PCDHGA7: variants seen among roughly 807,000 people sequenced by gnomAD.
PCDHGA7 encodes protocadherin gamma-A7.
Under a neutral mutation model 58.3 loss-of-function variants are expected in PCDHGA7, and 44 were observed. That is an observed-to-expected ratio of 0.75 (90% CI 0.59 to 0.97). The LOEUF (loss-of-function observed/expected upper bound fraction) is 0.97, where lower values mean the gene tolerates loss of function less well. Ranked by LOEUF, PCDHGA7 falls within the 50% of genes least tolerant of loss-of-function variation. The probability of loss-of-function intolerance (pLI) is 0.00; values close to 1 mark genes in which losing one functional copy is unlikely to be tolerated. For missense variants in PCDHGA7, 1,266 were observed against 1,188.7 expected (o/e 1.06, Z -0.96); for synonymous variants, 516 against 504.2 (o/e 1.02, Z -0.31).
intron 1 of PCDHGA7, chr5:141,394,024 T>C (rs778553318): frequency 6.2e-7 from 1 of 1,613,530 alleles, no homozygotes; most frequent in Non-Finnish European, 8.5e-7. Flanking sequence ...TATTATAGAT[T>C]AGTGACAAGG....
rs1387919696 is a variant in PCDHGA7 at position 141,384,415 on chromosome 5, TCC to T, written c.1517_1518del (p.Ser506TyrfsTer4). On this transcript the variant is annotated frameshift_variant, in exon 1 of 4. Coordinates refer to ENST00000518325, the MANE Select transcript of PCDHGA7 (RefSeq NM_018920.4). LOFTEE classifies it high-confidence loss of function. ...GGGGGCTCCAGTGTCCTCCTATGTC[TCC>T]ATAAACTCTGACACTGGAGTCCTGT... is the stretch of plus-strand genomic sequence containing the variant. ...IQGAPVSSYV[S>X]INSDTGVLYA... The T allele has an allele frequency of 2.5e-6, 4 of 1,613,776 alleles. No homozygotes were observed. In the East Asian group the frequency reaches 8.9e-5, roughly 36 times the overall value.
intron 1 of PCDHGA7, chr5:141,478,809 C>G: frequency 6.9e-7 from 1 of 1,453,454 alleles, no homozygotes; most frequent in Non-Finnish European, 9.0e-7. Flanking sequence ...CTTTTGCTAT[C>G]ACAACTAACC....
At chr5:141,435,803 T>C (rs551682061) in intron 1 of PCDHGA7, among the ~76,000 whole-genome samples, 1 of 152,178 alleles carries the variant, frequency 6.6e-6, no homozygotes, top group South Asian at 2.1e-4. Context: ...ACGTCCCAAT[T>C]ATTTTTTCTT....
chr5:141,416,745 C>T (rs186830862), intron 1 of PCDHGA7: 5 of 152,194 alleles, frequency 3.3e-5, no homozygotes, highest in South Asian at 2.1e-4. Flanking sequence ...AAAATAGTGA[C>T]GTATTAGGTA....
rs375228847 is a variant in PCDHGA7, at chr5:141,431,219, C to G, written c.2424+45896C>G. ...TGCAGCCACTGAGATGCGGTTCCCTCTACCCCACGCCTGGGATCCGGATAT... is the reference window on the plus strand; with the variant it reads ...TGCAGCCACTGAGATGCGGTTCCCTGTACCCCACGCCTGGGATCCGGATAT... On this transcript the variant is annotated intron_variant, in intron 1 of 3. Coordinates refer to ENST00000518325, the MANE Select transcript of PCDHGA7 (RefSeq NM_018920.4). This position sits in a 1 kb window ranked among gnomAD's most constrained non-coding sequence, Gnocchi z 4.8. 2.5e-6 allele frequency: 4 copies of G among 1,614,180 alleles called. No individual in the cohort carries two copies. The highest frequency in any genetic ancestry group is 1.6e-4 in the Middle Eastern group (1 of 6,062).
intron 1 of PCDHGA7, among the ~76,000 whole-genome samples, chr5:141,447,993 T>A (rs2098557542): frequency 6.6e-6 from 1 of 151,554 alleles, no homozygotes; most frequent in Non-Finnish European, 1.5e-5. Context: ...GGCTGAGGCA[T>A]GAGAATCGCT....
intron 1 of PCDHGA7, chr5:141,405,413 T>C: frequency 6.4e-7 from 1 of 1,561,606 alleles, no homozygotes; most frequent in South Asian, 1.2e-5. Context: ...TTTTCTTTTT[T>C]TGTTTTTTGT....
Position 141,384,678 on chromosome 5 carries a change from G to A in PCDHGA7, c.1779G>A (p.Ala593=), listed in dbSNP as rs770501792. ...GCTACCTGGTGACCAAGGTGGTGGC[G>A]GTGGACAAAGATTCAGGCCAGAACG... The part of the protein sequence containing the change: ...EPGYLVTKVV[A]VDKDSGQNAW... Residue 593 remains alanine, a synonymous_variant, in exon 1 of 4, where the codon GCG becomes GCA. Transcript: ENST00000518325. 8 of 1,614,194 alleles carry A rather than the reference G, an allele frequency of 5.0e-6. No individual in the cohort carries two copies. The highest frequency in any genetic ancestry group is 3.3e-4 in the Middle Eastern group (2 of 6,062).
chr5:141,494,927 G>A, intron 2 of PCDHGA7, 62 bp downstream of exon 2: 1 of 1,613,516 alleles, frequency 6.2e-7, no homozygotes, highest in Non-Finnish European at 8.5e-7. Flanking sequence ...GATGACGTGG[G>A]AGGAGATGGG....
chr5:141,410,329 G>A, intron 1 of PCDHGA7: 4 of 1,613,982 alleles, frequency 2.5e-6, no homozygotes, highest in Non-Finnish European at 3.4e-6. Flanking sequence ...CCGTGATTCT[G>A]GCCATTGCCT....
intron 1 of PCDHGA7, among the ~76,000 whole-genome samples, chr5:141,442,703 C>A (rs1405830887): frequency 6.6e-6 from 1 of 152,218 alleles, no homozygotes; most frequent in Admixed American, 6.5e-5. Flanking sequence ...ACAAGAGTAT[C>A]AGACATGCCA....
intron 1 of PCDHGA7, chr5:141,388,574 T>C (rs372294800): frequency 6.2e-7 from 1 of 1,613,724 alleles, no homozygotes; most frequent in East Asian, 2.2e-5. Flanking sequence ...AGATACACGT[T>C]CTAGTGACTG....
intron 1 of PCDHGA7, among the ~76,000 whole-genome samples, chr5:141,406,273 G>C (rs1366399912): frequency 6.6e-6 from 1 of 151,898 alleles, no homozygotes; most frequent in Non-Finnish European, 1.5e-5. Context: ...TCCTGCTTCA[G>C]TTTCCCAAAG....
intron 1 of PCDHGA7, among the ~76,000 whole-genome samples, chr5:141,453,288 ATTATTTATTTAT>A (rs577328880): frequency 6.6e-6 from 1 of 151,342 alleles, no homozygotes; most frequent in African/African-American, 2.4e-5. Context: ...TAATTTTTTA[ATTATTTATTTAT>A]TTATTTATTT....
rs751976949 is a variant in PCDHGA7, at chr5:141,414,873, C to A, written c.2424+29550C>A. The A allele has an allele frequency of 6.2e-6, 10 of 1,614,108 alleles. No homozygotes were observed. The Admixed American group carries it at 1.2e-4, about 19-fold the overall frequency. ...ACCAGAACGACAATGCGCCCGAGAT[C>A]CTGTACCCCGCCCTCCCCACAGACG... On this transcript the variant is annotated intron_variant, in intron 1 of 3. Transcript: ENST00000518325.
rs553772792 is a variant in PCDHGA7, at chr5:141,444,542, G to A, written c.2425-50265G>A. ...AGGTGAGACAGTGACTGTGTCTAGT[G>A]AGCAAAAGGCACTTATTTGACACTT... On this transcript the variant is annotated intron_variant, in intron 1 of 3. Coordinates refer to ENST00000518325, the MANE Select transcript of PCDHGA7 (RefSeq NM_018920.4). 3.3e-5 allele frequency among the ~76,000 whole-genome samples: 5 copies of A among 152,156 alleles called. No individual in the cohort carries two copies. The East Asian group carries it at 7.7e-4, about 24-fold the overall frequency.
chr5:141,408,358 G>C, intron 1 of PCDHGA7: 1 of 1,613,952 alleles, frequency 6.2e-7, no homozygotes, highest in South Asian at 1.1e-5. Context: ...ACCTCGCTAA[G>C]GATCTAGGGC....
At chr5:141,393,740 TGAA>T in intron 1 of PCDHGA7, 1 of 1,613,888 alleles carries the variant, frequency 6.2e-7, no homozygotes, top group Non-Finnish European at 8.5e-7. Context: ...GTCTAGATTA[TGAA>T]GAATGTTCAT....
chr5:141,499,888 A>G (rs574246186), intron 2 of PCDHGA7, among the ~76,000 whole-genome samples: 105 of 152,174 alleles, frequency 6.9e-4, no homozygotes, highest in African/African-American at 2.4e-3. Flanking sequence ...GGGTTTCGCC[A>G]TGTTGGCCAG....
Sources: gnomAD v4.1 joint callset for allele counts (sites outside exome capture counted in the v4.1 genomes callset) on GRCh38, gnomAD v4.1.1 for gene constraint, Gnocchi (gnomAD v3.1) non-coding constraint, MANE v1.5 for transcripts, NCBI Gene and HGNC (gene_info 2026-07-23, HGNC 2026-07-21) for gene names.